Variants in ADGRL1 observed in about 807,000 individuals in gnomAD.
ADGRL1 encodes the protein CIRL-1.
A neutral mutation model predicts 148.9 loss-of-function variants in ADGRL1; 31 were observed. The observed-to-expected ratio is 0.21, with a 90% CI of 0.16 to 0.28. ADGRL1 has a LOEUF of 0.28. ADGRL1 is among the 10% of genes least tolerant of loss of function. The pLI, the probability that ADGRL1 is intolerant of heterozygous loss-of-function variation, is 1.00. For missense variants in ADGRL1, 1,521 were observed against 2,058.8 expected (o/e 0.74, Z 5.05); for synonymous variants, 937 against 900.3 (o/e 1.04, Z -0.73).
In ADGRL1 at chr19:14,162,855, C is replaced by T. The variant is rs1230717412; in HGVS notation, c.946G>A (p.Val316Met). The change falls in exon 5 of 23, where the codon GTG becomes ATG. Residue 316 changes from valine (V) to methionine (M), a missense_variant. Coordinates refer to ENST00000361434, the MANE Select transcript of ADGRL1 (RefSeq NM_014921.5). This position sits in a 1 kb window ranked among gnomAD's most constrained non-coding sequence, Gnocchi z 5.4. Reference protein sequence around the residue: ...DKRSASNAFMVCGVLYVLRSV... With the variant: ...DKRSASNAFMMCGVLYVLRSV... ...CGCAGGACGTACAGGACCCCACACA[C>T]CATGAAGGCGTTGGATGCCGAGCGC... 8 of 1,614,102 alleles carry T rather than the reference C, an allele frequency of 5.0e-6. No individual in the cohort carries two copies. The Admixed American group carries it at 6.7e-5, about 13-fold the overall frequency.
In ADGRL1 at chr19:14,155,604, C is replaced by T. The variant is rs1383878430; in HGVS notation, c.3126-77G>A. ...CAGCCCAGGCCTCCCCTGCAGCCTACAACGGGGGCCCTTGGGTGGGCCTGG... is the reference window on the plus strand; with the variant it reads ...CAGCCCAGGCCTCCCCTGCAGCCTATAACGGGGGCCCTTGGGTGGGCCTGG... On this transcript the variant is annotated intron_variant, in intron 17 of 22. Coordinates refer to ENST00000361434, the MANE Select transcript of ADGRL1 (RefSeq NM_014921.5). The surrounding 1 kb of genome is among the most constrained non-coding windows in gnomAD (Gnocchi z 5.0). The T allele has an allele frequency of 2.0e-6, 3 of 1,493,842 alleles. No individual in the cohort carries two copies. The highest frequency in any genetic ancestry group is 2.8e-5 in the African/African-American group (2 of 72,084). The allele number at this position is 1,493,842 out of a possible 1,614,324, so 92.5% of individuals were successfully genotyped here. A position where few individuals can be genotyped will look rare whatever the true frequency, so the allele number is the denominator to read the frequency against.
chr19:14,203,022 C>T (rs890222455), intron 1 of ADGRL1, among the ~76,000 whole-genome samples: 1 of 152,170 alleles, frequency 6.6e-6, no homozygotes, highest in African/African-American at 2.4e-5. Context: ...TTCTACTTGG[C>T]CTCCCACCTC....
intron 1 of ADGRL1, among the ~76,000 whole-genome samples, chr19:14,187,111 G>A (rs925963104): frequency 4.6e-5 from 7 of 152,234 alleles, no homozygotes; most frequent in African/African-American, 1.7e-4. Flanking sequence ...GCCGAGGCGG[G>A]TGGATCACCA....
intron 1 of ADGRL1, among the ~76,000 whole-genome samples, chr19:14,189,414 G>A (rs1188593056): frequency 6.6e-6 from 1 of 152,016 alleles, no homozygotes. Context: ...ATTTTTTGTA[G>A]AGGCAGGATT....
chr19:14,204,472 T>C (rs1456754465), intron 1 of ADGRL1, among the ~76,000 whole-genome samples: 1 of 150,958 alleles, frequency 6.6e-6, no homozygotes, highest in Non-Finnish European at 1.5e-5. Context: ...GGTGAAGGAG[T>C]GGGGTCTGGG....
rs771086399 is a variant in ADGRL1, at chr19:14,157,107, G to A, written c.2784C>T (p.Phe928=). The A allele has an allele frequency of 1.2e-6, 2 of 1,614,148 alleles. No individual in the cohort carries two copies. The highest frequency in any genetic ancestry group is 2.2e-5 in the South Asian group (2 of 91,090). ...CPIFAGLLHY[F]FLAAFSWLCL... is the part of the protein sequence containing the mutation. The stretch of plus-strand genomic sequence containing the variant: ...ACAGCCAGGAGAAGGCAGCCAGGAA[G>A]AAATAGTGCAGCAGGCCGGCGAAGA... The change falls in exon 15 of 23, where the codon TTC becomes TTT. Residue 928 remains phenylalanine (F), a synonymous_variant. Coordinates refer to ENST00000361434, the MANE Select transcript of ADGRL1 (RefSeq NM_014921.5). This position sits in a 1 kb window ranked among gnomAD's most constrained non-coding sequence, Gnocchi z 7.5.
intron 2 of ADGRL1, among the ~76,000 whole-genome samples, chr19:14,180,926 T>C (rs1971148816): frequency 1.3e-5 from 2 of 151,906 alleles, no homozygotes; most frequent in Non-Finnish European, 2.9e-5. Flanking sequence ...CAGGCACCTA[T>C]AGTCCCAGCT....
chr19:14,167,606 G>C (rs1260533370), intron 4 of ADGRL1, among the ~76,000 whole-genome samples: 1 of 152,144 alleles, frequency 6.6e-6, no homozygotes, highest in African/African-American at 2.4e-5. Flanking sequence ...CCTTTATGCT[G>C]GCCTCACCCA....
intron 4 of ADGRL1, chr19:14,170,422 G>C (rs1970365817): frequency 2.5e-6 from 1 of 404,778 alleles, no homozygotes; most frequent in Non-Finnish European, 4.6e-6. Context: ...GAAGAAGCAG[G>C]GTGAGTGGGC....
At chr19:14,205,023 G>A (rs1160002373) in intron 1 of ADGRL1, among the ~76,000 whole-genome samples, 1 of 152,088 alleles carries the variant, frequency 6.6e-6, no homozygotes, top group Non-Finnish European at 1.5e-5. Flanking sequence ...GCAGTGTGAG[G>A]ACCCGGACTG....
chr19:14,189,212 GC>G (rs902679948), intron 1 of ADGRL1, among the ~76,000 whole-genome samples: 4 of 147,742 alleles, frequency 2.7e-5, no homozygotes, highest in African/African-American at 1.0e-4. Context: ...AGGCTATGTG[GC>G]CTTTTTTTTT....
At chr19:14,192,831 G>A (rs909568423) in intron 1 of ADGRL1, among the ~76,000 whole-genome samples, 44 of 152,266 alleles carry the variant, frequency 2.9e-4, no homozygotes, top group African/African-American at 8.7e-4. Context: ...GATTACAGGC[G>A]TGAGCCACCG....
chr19:14,150,644 C>G lies in ADGRL1; in HGVS notation c.*229G>C. 1 of 569,078 alleles carries G rather than the reference C, an allele frequency of 1.8e-6. No homozygotes were observed. Among genetic ancestry groups the G allele is most frequent in the Non-Finnish European group, 3.1e-6 (1 of 326,436 alleles). The allele number at this position is 569,078 out of a possible 1,614,324, so 35.3% of individuals were successfully genotyped here. On this transcript the variant is annotated 3_prime_UTR_variant, in exon 23 of 23. Transcript: ENST00000361434. Reference sequence around the variant, plus strand: ...TGGGCTCCTCCTCACTACACTTCCCCCAAATAGAGCTGGTGCGTGTGGCTG... The same window carrying G: ...TGGGCTCCTCCTCACTACACTTCCCGCAAATAGAGCTGGTGCGTGTGGCTG...
intron 4 of ADGRL1, among the ~76,000 whole-genome samples, chr19:14,167,223 T>G (rs1970057773): frequency 6.6e-6 from 1 of 152,120 alleles, no homozygotes; most frequent in Non-Finnish European, 1.5e-5. Context: ...CCCAGGTCCC[T>G]TCCTCTGGGG....
At chr19:14,174,963 A>G (rs975569694) in intron 3 of ADGRL1, among the ~76,000 whole-genome samples, 66 of 151,090 alleles carry the variant, frequency 4.4e-4, no homozygotes, top group African/African-American at 1.5e-3. Flanking sequence ...TGCATCGGTC[A>G]TCTGAGTAGC....
intron 1 of ADGRL1, 131 bp from the exon 2 acceptor site, chr19:14,183,828 C>T: frequency 1.8e-6 from 1 of 549,458 alleles, no homozygotes; most frequent in Admixed American, 3.4e-5. Context: ...ATCTGTAGGG[C>T]CCCCTCCGGG....
chr19:14,190,703 G>A (rs1284584306), intron 1 of ADGRL1, among the ~76,000 whole-genome samples: 3 of 152,348 alleles, frequency 2.0e-5, no homozygotes, highest in East Asian at 3.9e-4. Context: ...CCACAGATAA[G>A]TGAGGTCATG....
intron 3 of ADGRL1, among the ~76,000 whole-genome samples, chr19:14,172,159 C>T (rs1213370590): frequency 6.6e-6 from 1 of 152,166 alleles, no homozygotes; most frequent in Non-Finnish European, 1.5e-5. Context: ...TGGTGGCTCA[C>T]GCCTGTAATC....
In ADGRL1 at chr19:14,161,447, TGCTGGGG is replaced by T. The variant is rs754484056; in HGVS notation, c.1368_1374del (p.Ser458GlyfsTer110). 1 of 1,455,176 alleles carries T rather than the reference TGCTGGGG, an allele frequency of 6.9e-7. No individual in the cohort carries two copies. Among genetic ancestry groups the T allele is most frequent in the Non-Finnish European group, 9.1e-7 (1 of 1,103,644 alleles). The allele number at this position is 1,455,176 out of a possible 1,614,324, so 90.1% of individuals were successfully genotyped here. On this transcript the variant is annotated frameshift_variant, in exon 6 of 23. Coordinates refer to ENST00000361434, the MANE Select transcript of ADGRL1 (RefSeq NM_014921.5). LOFTEE classifies it high-confidence loss of function. This position sits in a 1 kb window ranked among gnomAD's most constrained non-coding sequence, Gnocchi z 4.4. ...AGATTCGGGGCTGGGGGCCGCCGGG[TGCTGGGG>T]ACTGGGGCTGTGGCTGGAGGCAGAT...
Sources: gnomAD v4.1 joint callset for allele counts (sites outside exome capture counted in the v4.1 genomes callset) on GRCh38, gnomAD v4.1.1 for gene constraint, Gnocchi (gnomAD v3.1) non-coding constraint, MANE v1.5 for transcripts, NCBI Gene and HGNC (gene_info 2026-07-23, HGNC 2026-07-21) for gene names.